ELAVL2: variants seen among roughly 807,000 people sequenced by gnomAD.
ELAVL2 encodes the protein ELAV-like protein 2.
ELAVL2 carries 4 observed loss-of-function variants against 34.6 expected under a neutral mutation model. The observed-to-expected ratio is 0.12, with a 90% CI of 0.06 to 0.26. The LOEUF (loss-of-function observed/expected upper bound fraction) is 0.26, where lower values mean the gene tolerates loss of function less well. Among genes scored for constraint, ELAVL2 ranks in the 10% least tolerant of loss-of-function variants. ELAVL2 has a pLI of 1.00. For missense variants in ELAVL2, 432 were observed against 442.8 expected (o/e 0.98, Z 0.22); for synonymous variants, 193 against 154.8 (o/e 1.25, Z -1.83).
At chr9:23,706,070 C>A (rs1184565619) in intron 3 of ELAVL2, among the ~76,000 whole-genome samples, 1 of 152,170 alleles carries the variant, frequency 6.6e-6, no homozygotes, top group Non-Finnish European at 1.5e-5. Flanking sequence ...AACAAGCCCT[C>A]ATTATCCTTT....
At chr9:23,782,905 A>C (rs2059248934) in intron 1 of ELAVL2, among the ~76,000 whole-genome samples, 1 of 152,158 alleles carries the variant, frequency 6.6e-6, no homozygotes, top group African/African-American at 2.4e-5. Flanking sequence ...ACCAGGAAGG[A>C]AGACAAATTT....
At chr9:23,800,799 G>A (rs934134264) in intron 1 of ELAVL2, among the ~76,000 whole-genome samples, 2 of 152,078 alleles carry the variant, frequency 1.3e-5, no homozygotes, top group African/African-American at 2.4e-5. Flanking sequence ...ATTCAAATAC[G>A]AATTTAGATC....
At chr9:23,706,202 G>T (rs1030035684) in intron 3 of ELAVL2, among the ~76,000 whole-genome samples, 6 of 152,026 alleles carry the variant, frequency 3.9e-5, no homozygotes, top group African/African-American at 1.2e-4. Flanking sequence ...TTTGAGATAC[G>T]GTATACCAAA....
At chr9:23,825,137 A>ATT (rs2065217443) in intron 1 of ELAVL2, among the ~76,000 whole-genome samples, 2 of 152,176 alleles carry the variant, frequency 1.3e-5, no homozygotes, top group African/African-American at 2.4e-5. Context: ...CTTCTTTTAA[A>ATT]ACTGAATTAT....
At chr9:23,739,727 G>A (rs1383596889) in intron 2 of ELAVL2, among the ~76,000 whole-genome samples, 1 of 152,024 alleles carries the variant, frequency 6.6e-6, no homozygotes. Flanking sequence ...GGCATCTGCT[G>A]TTGCTTGTGC....
chr9:23,813,655 G>A (rs2063324323), intron 1 of ELAVL2, among the ~76,000 whole-genome samples: 3 of 152,148 alleles, frequency 2.0e-5, no homozygotes, highest in Admixed American at 2.0e-4. Flanking sequence ...AGGGGGGGAG[G>A]AGAGAAAAGG....
intron 1 of ELAVL2, among the ~76,000 whole-genome samples, chr9:23,804,634 TA>T (rs764540588): frequency 2.0e-5 from 3 of 152,190 alleles, no homozygotes; most frequent in Non-Finnish European, 4.4e-5. Flanking sequence ...TGCTGGTTTG[TA>T]GTCTATTTGC....
intron 1 of ELAVL2, among the ~76,000 whole-genome samples, chr9:23,799,878 C>T (rs1189268918): frequency 6.6e-6 from 1 of 152,184 alleles, no homozygotes; most frequent in East Asian, 1.9e-4. Flanking sequence ...CATTCTCTTT[C>T]CTTTCCCAAA....
intron 1 of ELAVL2, among the ~76,000 whole-genome samples, chr9:23,780,767 C>G (rs1327216394): frequency 6.6e-6 from 1 of 152,180 alleles, no homozygotes; most frequent in Non-Finnish European, 1.5e-5. Context: ...GATTTTAGTT[C>G]AGCTCTTCAG....
intron 2 of ELAVL2, among the ~76,000 whole-genome samples, chr9:23,733,463 A>G (rs1263978936): frequency 6.6e-6 from 1 of 152,200 alleles, no homozygotes; most frequent in Non-Finnish European, 1.5e-5. Context: ...CTTAATGGTG[A>G]GAACCTAGCT....
chr9:23,777,511 C>CT (rs1323318705), intron 1 of ELAVL2, among the ~76,000 whole-genome samples: 2 of 152,286 alleles, frequency 1.3e-5, no homozygotes, highest in East Asian at 3.9e-4. Context: ...TACATCCATC[C>CT]TTTGTCAGGC....
the ELAVL2 span, among the ~76,000 whole-genome samples, chr9:23,836,984 G>A: frequency 6.6e-6 from 1 of 152,142 alleles, no homozygotes; most frequent in Non-Finnish European, 1.5e-5. Flanking sequence ...AGAAGCTTTC[G>A]TCGAAAATTC....
chr9:23,737,311 T>C (rs1266453352), intron 2 of ELAVL2, among the ~76,000 whole-genome samples: 1 of 152,226 alleles, frequency 6.6e-6, no homozygotes, highest in African/African-American at 2.4e-5. Context: ...CCCTACATTG[T>C]ACCAGATGGA....
chr9:23,786,128 A>G (rs758910968), intron 1 of ELAVL2, among the ~76,000 whole-genome samples: 5 of 152,224 alleles, frequency 3.3e-5, no homozygotes, highest in Non-Finnish European at 7.3e-5. Flanking sequence ...TCTGTTAACA[A>G]TGAAGAAAAG....
intron 2 of ELAVL2, among the ~76,000 whole-genome samples, chr9:23,742,883 C>T (rs955051975): frequency 2.0e-5 from 3 of 152,078 alleles, no homozygotes; most frequent in Non-Finnish European, 2.9e-5. Context: ...TTAAAATAGT[C>T]ACACACAGCA....
chr9:23,850,238 C>CCACCA, the ELAVL2 span, among the ~76,000 whole-genome samples: 203 of 145,974 alleles, frequency 1.4e-3, 3 homozygotes, highest in Middle Eastern at 0.038. Context: ...CACCACCACC[C>CCACCA]CCCCCGCCCC....
upstream of ELAVL2, chr9:23,826,348 C>G (rs2065296692): frequency 6.6e-6 from 1 of 152,430 alleles, no homozygotes; most frequent in African/African-American, 2.4e-5. Context: ...CTATCCCGGG[C>G]AGCACGCGCG....
chr9:23,723,438 T>A, intron 3 of ELAVL2, among the ~76,000 whole-genome samples: 1 of 151,820 alleles, frequency 6.6e-6, no homozygotes, highest in East Asian at 1.9e-4. Flanking sequence ...GGGGGAGGGA[T>A]AGCATTAGGA....
intron 4 of ELAVL2, among the ~76,000 whole-genome samples, chr9:23,703,205 C>T (rs538880828): frequency 7.2e-5 from 11 of 152,260 alleles, no homozygotes; most frequent in African/African-American, 2.4e-4. Flanking sequence ...GATGGACTAG[C>T]AGGTAAAAGA....
Sources: gnomAD v4.1 joint callset for allele counts (sites outside exome capture counted in the v4.1 genomes callset) on GRCh38, gnomAD v4.1.1 for gene constraint, MANE v1.5 for transcripts, NCBI Gene and HGNC (gene_info 2026-07-23, HGNC 2026-07-21) for gene names.